Variants in NEO1 observed in about 807,000 individuals in gnomAD.
The protein encoded by NEO1 is neogenin.
A neutral mutation model predicts 159.7 loss-of-function variants in NEO1; 63 were observed. That is an observed-to-expected ratio of 0.39 (90% CI 0.32 to 0.49). The LOEUF is 0.49. NEO1 is among the 20% of genes least tolerant of loss of function. The pLI is 0.85. For synonymous variants in NEO1, 633 were observed against 662.0 expected (o/e 0.96, Z 0.67); for missense variants, 1,615 against 1,831.0 (o/e 0.88, Z 2.15).
At chr15:73,055,420 TTCC>T (rs2067649775) in intron 1 of NEO1, among the ~76,000 whole-genome samples, 1 of 152,192 alleles carries the variant, frequency 6.6e-6, no homozygotes, top group Non-Finnish European at 1.5e-5. Flanking sequence ...CTTACATTTT[TTCC>T]TCTTTGCTTA....
chr15:73,121,846 CA>C (rs1265986026), intron 2 of NEO1, among the ~76,000 whole-genome samples: 1 of 151,966 alleles, frequency 6.6e-6, no homozygotes, highest in Non-Finnish European at 1.5e-5. Flanking sequence ...GATATGTCCA[CA>C]TTGTTCTTTG....
intron 6 of NEO1, among the ~76,000 whole-genome samples, 186 bp from the exon 7 acceptor site, chr15:73,178,121 A>T (rs2035389532): frequency 6.6e-6 from 1 of 152,166 alleles, no homozygotes; most frequent in African/African-American, 2.4e-5. Context: ...TCTTCTATTC[A>T]GTTAAATTGG....
At chr15:73,060,899 C>G (rs1414290318) in intron 1 of NEO1, among the ~76,000 whole-genome samples, 2 of 152,194 alleles carry the variant, frequency 1.3e-5, no homozygotes, top group Non-Finnish European at 2.9e-5. Context: ...ATCTACCCGC[C>G]TCAGCCTCCC....
intron 7 of NEO1, among the ~76,000 whole-genome samples, chr15:73,212,138 T>G (rs1274245183): frequency 1.1e-4 from 16 of 152,210 alleles, no homozygotes; most frequent in Admixed American, 1.0e-3. Flanking sequence ...CTTGCAGTCA[T>G]CTCTGAGCCC....
At chr15:73,134,357 T>C (rs2031499973) in intron 4 of NEO1, among the ~76,000 whole-genome samples, 1 of 152,174 alleles carries the variant, frequency 6.6e-6, no homozygotes, top group Non-Finnish European at 1.5e-5. Context: ...AGTCACCAAA[T>C]CTGATTCTGG....
chr15:73,267,184 G>A (rs1567647195), intron 16 of NEO1, among the ~76,000 whole-genome samples: 1 of 152,202 alleles, frequency 6.6e-6, no homozygotes, highest in Non-Finnish European at 1.5e-5. Context: ...CATGAACTCA[G>A]GAAGCAGAGC....
intron 13 of NEO1, among the ~76,000 whole-genome samples, chr15:73,258,121 C>G (rs534720169): frequency 1.3e-5 from 2 of 152,230 alleles, no homozygotes; most frequent in South Asian, 4.1e-4. Context: ...ATGTTTGTTG[C>G]GTTTGATACA....
intron 7 of NEO1, among the ~76,000 whole-genome samples, chr15:73,234,064 T>C (rs541261186): frequency 7.9e-5 from 12 of 152,270 alleles, no homozygotes; most frequent in African/African-American, 1.4e-4. Flanking sequence ...ACAGCAAACT[T>C]TCTCTCCTCT....
At chr15:73,134,766 T>C (rs2031558147) in intron 4 of NEO1, among the ~76,000 whole-genome samples, 3 of 152,088 alleles carry the variant, frequency 2.0e-5, no homozygotes, top group South Asian at 4.1e-4. Context: ...CCCAGCACTT[T>C]GGGAGGCCGG....
chr15:73,207,550 A>C (rs879290174), intron 7 of NEO1, among the ~76,000 whole-genome samples: 1 of 152,204 alleles, frequency 6.6e-6, no homozygotes, highest in Non-Finnish European at 1.5e-5. Context: ...AGCAGAAAGA[A>C]AACTCTTAAC....
intron 1 of NEO1, among the ~76,000 whole-genome samples, chr15:73,084,211 A>G (rs1349712154): frequency 6.6e-6 from 1 of 152,128 alleles, no homozygotes; most frequent in African/African-American, 2.4e-5. Flanking sequence ...CATTGTTATA[A>G]TATTAACTAC....
chr15:73,222,826 G>A lies in NEO1; in HGVS notation c.1292-13521G>A, dbSNP rs148389966. On this transcript the variant is annotated intron_variant, in intron 7 of 28. Transcript: ENST00000261908. Reference sequence around the variant, plus strand: ...CTTTCCTTGCTTCCACCGGGTTTGGGTTTGGTTTGTCCTTATTTCTCTAGT... The same window carrying A: ...CTTTCCTTGCTTCCACCGGGTTTGGATTTGGTTTGTCCTTATTTCTCTAGT... 8.9e-4 allele frequency among the ~76,000 whole-genome samples: 135 copies of A among 152,178 alleles called. 1 individual carries two copies. The highest frequency in any genetic ancestry group is 1.8e-3 in the Admixed American group (28 of 15,290).
intron 26 of NEO1, among the ~76,000 whole-genome samples, chr15:73,297,463 T>G (rs1377009773): frequency 6.6e-6 from 1 of 152,224 alleles, no homozygotes; most frequent in Non-Finnish European, 1.5e-5. Context: ...TTCATACATC[T>G]CATTCAATCC....
chr15:73,275,503 A>C (rs904781802), intron 21 of NEO1, among the ~76,000 whole-genome samples: 4 of 151,966 alleles, frequency 2.6e-5, no homozygotes, highest in African/African-American at 7.3e-5. Context: ...TAGGAAAAAA[A>C]AGTTAGCTGG....
chr15:73,053,033 G>T (rs993448922), intron 1 of NEO1, among the ~76,000 whole-genome samples: 1 of 151,964 alleles, frequency 6.6e-6, no homozygotes, highest in African/African-American at 2.4e-5. Flanking sequence ...GGGGCGCAGG[G>T]GTCTAGTTCC....
intron 5 of NEO1, among the ~76,000 whole-genome samples, chr15:73,162,524 C>G (rs765350597): frequency 3.9e-5 from 6 of 152,022 alleles, no homozygotes; most frequent in Non-Finnish European, 8.8e-5. Context: ...TGCTGAGTAG[C>G]TGGGGTTATA....
chr15:73,052,320 C>G (rs1377612920), upstream of NEO1, among the ~76,000 whole-genome samples: 1 of 142,074 alleles, frequency 7.0e-6, no homozygotes, highest in Non-Finnish European at 1.6e-5. Context: ...CCCCCGCCCC[C>G]GCCGTCCGCG....
intron 4 of NEO1, among the ~76,000 whole-genome samples, chr15:73,135,560 A>G (rs574636476): frequency 2.6e-5 from 4 of 152,294 alleles, no homozygotes; most frequent in East Asian, 3.9e-4. Context: ...CATAATTTGG[A>G]AAAAAACTGG....
intron 27 of NEO1, 102 bp downstream of exon 27, chr15:73,298,713 A>G: frequency 6.9e-7 from 1 of 1,455,676 alleles, no homozygotes; most frequent in Non-Finnish European, 9.3e-7. Context: ...TAGCAAAGCA[A>G]ATATCCTCCA....
Sources: allele counts gnomAD v4.1 joint callset (sites outside exome capture counted in the v4.1 genomes callset), GRCh38; gene constraint gnomAD v4.1.1; transcripts MANE v1.5; gene names NCBI Gene and HGNC (gene_info 2026-07-23, HGNC 2026-07-21).